Variants in TMEM132D observed in about 807,000 individuals in gnomAD.
TMEM132D encodes the protein mature OL transmembrane protein.
TMEM132D carries 21 observed loss-of-function variants against 62.3 expected under a neutral mutation model. That is an observed-to-expected ratio of 0.34 (90% CI 0.24 to 0.49). The LOEUF is 0.49. Ranked by LOEUF, TMEM132D falls within the 20% of genes least tolerant of loss-of-function variation. TMEM132D has a pLI of 0.99. For missense variants in TMEM132D, 1,346 were observed against 1,402.8 expected (o/e 0.96, Z 0.65); for synonymous variants, 621 against 575.6 (o/e 1.08, Z -1.13).
chr12:129,731,213 C>T (rs1869225046), intron 1 of TMEM132D, among the ~76,000 whole-genome samples: 1 of 152,058 alleles, frequency 6.6e-6, no homozygotes, highest in African/African-American at 2.4e-5. Context: ...CTCATTCATT[C>T]GTTCACTCAG....
At chr12:129,750,694 G>C (rs1352298381) in intron 1 of TMEM132D, among the ~76,000 whole-genome samples, 1 of 152,166 alleles carries the variant, frequency 6.6e-6, no homozygotes, top group Non-Finnish European at 1.5e-5. Flanking sequence ...GGAGGAGCAG[G>C]GAAAGCTGGG....
chr12:129,235,945 A>T (rs11060207), intron 4 of TMEM132D, among the ~76,000 whole-genome samples: 60,886 of 151,982 alleles, frequency 0.4, 13,352 homozygotes, highest in Middle Eastern at 0.49. Flanking sequence ...GGTAGTGTGG[A>T]CATTTTAACA....
At chr12:129,567,828 A>T (rs1269125518) in intron 2 of TMEM132D, among the ~76,000 whole-genome samples, 1 of 152,230 alleles carries the variant, frequency 6.6e-6, no homozygotes, top group Non-Finnish European at 1.5e-5. Flanking sequence ...CTACATAAAC[A>T]AATGACTTTG....
chr12:129,339,174 G>T (rs546785875), intron 3 of TMEM132D, among the ~76,000 whole-genome samples: 10 of 152,060 alleles, frequency 6.6e-5, no homozygotes, highest in Non-Finnish European at 1.5e-4. Context: ...GGGAGGCTGA[G>T]GCATGAGAAT....
intron 3 of TMEM132D, among the ~76,000 whole-genome samples, chr12:129,452,636 A>C (rs190799887): frequency 6.6e-6 from 1 of 152,162 alleles, no homozygotes; most frequent in South Asian, 2.1e-4. Flanking sequence ...TTCTTTTTCT[A>C]AAACCTTTGT....
intron 1 of TMEM132D, among the ~76,000 whole-genome samples, chr12:129,859,354 T>C (rs1004707123): frequency 3.9e-5 from 6 of 152,244 alleles, no homozygotes; most frequent in Non-Finnish European, 5.9e-5. Flanking sequence ...AAACCGCAAT[T>C]ACTTTTGCAC....
intron 5 of TMEM132D, among the ~76,000 whole-genome samples, chr12:129,161,424 G>A (rs60357129): frequency 0.027 from 4,105 of 152,270 alleles, 147 homozygotes; most frequent in African/African-American, 0.076. Context: ...ATTTAGTATC[G>A]TAACCGACTT....
chr12:129,457,061 A>G (rs1873494890), intron 3 of TMEM132D, among the ~76,000 whole-genome samples: 1 of 151,622 alleles, frequency 6.6e-6, no homozygotes, highest in Non-Finnish European at 1.5e-5. Context: ...AACTAGAAAT[A>G]CCGTTTGACC....
intron 5 of TMEM132D, among the ~76,000 whole-genome samples, chr12:129,199,119 T>C (rs997429428): frequency 7.0e-6 from 1 of 142,484 alleles, no homozygotes; most frequent in African/African-American, 2.6e-5. Flanking sequence ...TTTTTTTTTT[T>C]TTTTTTTTGA....
chr12:129,542,197 G>A (rs763097906), intron 2 of TMEM132D, among the ~76,000 whole-genome samples: 2 of 152,174 alleles, frequency 1.3e-5, no homozygotes, highest in Non-Finnish European at 2.9e-5. Flanking sequence ...AGGGCTCCAC[G>A]ATTCACAGGG....
chr12:129,468,474 CACAGGAAG>C, intron 3 of TMEM132D, among the ~76,000 whole-genome samples: 1 of 152,166 alleles, frequency 6.6e-6, no homozygotes, highest in Non-Finnish European at 1.5e-5. Context: ...TCTCTGCATC[CACAGGAAG>C]ACAATTAAAC....
chr12:129,244,383 C>T (rs929696996), intron 4 of TMEM132D, among the ~76,000 whole-genome samples: 3 of 31,804 alleles, frequency 9.4e-5, no homozygotes, highest in African/African-American at 3.9e-4. Context: ...GAGACTCTGT[C>T]TCAAAAAAAA....
At chr12:129,235,018 A>G (rs1879739973) in intron 4 of TMEM132D, among the ~76,000 whole-genome samples, 1 of 151,388 alleles carries the variant, frequency 6.6e-6, no homozygotes, top group African/African-American at 2.5e-5. Flanking sequence ...GCTTTACTGC[A>G]TAACTTTAAT....
rs1875616650 is a variant in TMEM132D at position 129,514,534 on chromosome 12, C to A, written c.1115+16525G>T. 2.0e-5 allele frequency among the ~76,000 whole-genome samples: 3 copies of A among 152,310 alleles called. No homozygotes were observed. The South Asian group carries it at 6.2e-4, about 32-fold the overall frequency. On this transcript the variant is annotated intron_variant, in intron 3 of 8. Coordinates refer to ENST00000422113, the MANE Select transcript of TMEM132D (RefSeq NM_133448.3). ...GAACATCAATAGTATGTGCACCCATCTCTGATCATGCTAACCTCAGTGAAT... is the reference window on the plus strand; with the variant it reads ...GAACATCAATAGTATGTGCACCCATATCTGATCATGCTAACCTCAGTGAAT...
At chr12:129,197,098 A>G (rs930746420) in intron 5 of TMEM132D, among the ~76,000 whole-genome samples, 1 of 152,094 alleles carries the variant, frequency 6.6e-6, no homozygotes, top group Non-Finnish European at 1.5e-5. Flanking sequence ...CAACAGCTCA[A>G]CTCTGCCCTG....
At chr12:129,770,909 AACCATCGTAAGCCG>A (rs1870727745) in intron 1 of TMEM132D, among the ~76,000 whole-genome samples, 1 of 152,238 alleles carries the variant, frequency 6.6e-6, no homozygotes, top group African/African-American at 2.4e-5. Flanking sequence ...CTTTAAGTCA[AACCATCGTAAGCCG>A]AGGACTGTCT....
intron 3 of TMEM132D, among the ~76,000 whole-genome samples, chr12:129,508,399 A>G (rs777734641): frequency 2.6e-5 from 4 of 152,212 alleles, no homozygotes; most frequent in Non-Finnish European, 4.4e-5. Context: ...GAAGCACTGG[A>G]TAAGTGAAAA....
At position 129,077,630 on chromosome 12, in the gene TMEM132D, C is replaced by T. The variant is rs575937498; in HGVS notation, c.2115+904G>A. Among the ~76,000 whole-genome samples, 3 of 151,840 alleles carry T rather than the reference C, an allele frequency of 2.0e-5. No homozygotes were observed. The East Asian group carries it at 5.8e-4, about 29-fold the overall frequency. ...ACAAGCATACACACAACAGAAAATA[C>T]ACAAGACACACATGCATACGGACAC... On this transcript the variant is annotated intron_variant, in intron 8 of 8. Coordinates refer to ENST00000422113, the MANE Select transcript of TMEM132D (RefSeq NM_133448.3).
Position 129,413,324 on chromosome 12 carries a change from T to G in TMEM132D, c.1116-75507A>C, listed in dbSNP as rs144462736. The stretch of plus-strand genomic sequence containing the variant: ...AGGGGAAACCCTTTTCACTTGGCTC[T>G]CATTTTCTCTCTTGCCTGCCACCAC... On this transcript the variant is annotated intron_variant, in intron 3 of 8. Coordinates refer to ENST00000422113, the MANE Select transcript of TMEM132D (RefSeq NM_133448.3). Among the ~76,000 whole-genome samples the G allele has an allele frequency of 5.3e-3, 809 of 152,318 alleles. 1 individual carries two copies. Among genetic ancestry groups the G allele is most frequent in the Non-Finnish European group, 8.4e-3 (569 of 68,022 alleles).
Sources: allele counts gnomAD v4.1 joint callset (sites outside exome capture counted in the v4.1 genomes callset), GRCh38; gene constraint gnomAD v4.1.1; transcripts MANE v1.5; gene names NCBI Gene and HGNC (gene_info 2026-07-23, HGNC 2026-07-21).